PRSS12: variants seen among roughly 807,000 people sequenced by gnomAD.
PRSS12 encodes serine protease 12.
Under a neutral mutation model 104.4 loss-of-function variants are expected in PRSS12, and 85 were observed. The observed-to-expected ratio is 0.81, with a 90% CI of 0.68 to 0.98. The LOEUF is 0.98. PRSS12 is among the 50% of genes least tolerant of loss of function. The pLI, the probability that PRSS12 is intolerant of heterozygous loss-of-function variation, is 0.00. For synonymous variants in PRSS12, 454 were observed against 425.2 expected (o/e 1.07, Z -0.83); for missense variants, 1,141 against 1,139.2 (o/e 1.00, Z -0.02).
chr4:118,316,460 G>T, intron 5 of PRSS12, 137 bp from the exon 6 acceptor site: 1 of 1,051,036 alleles, frequency 9.5e-7, no homozygotes, highest in Non-Finnish European at 1.4e-6. Flanking sequence ...TTACATCTGT[G>T]CTAAATGACC....
At chr4:118,334,836 A>T (rs1724021236) in intron 3 of PRSS12, among the ~76,000 whole-genome samples, 1 of 152,202 alleles carries the variant, frequency 6.6e-6, no homozygotes, top group Non-Finnish European at 1.5e-5. Context: ...GGTTGTGATC[A>T]TTCATTAAAA....
chr4:118,351,518 A>G (rs958727246), intron 1 of PRSS12, among the ~76,000 whole-genome samples: 2 of 152,220 alleles, frequency 1.3e-5, no homozygotes, highest in African/African-American at 4.8e-5. Flanking sequence ...CTGATAAAAC[A>G]TATAAAGCTA....
At chr4:118,318,114 T>C (rs980959248) in intron 5 of PRSS12, among the ~76,000 whole-genome samples, 1 of 152,216 alleles carries the variant, frequency 6.6e-6, no homozygotes, top group Admixed American at 6.5e-5. Context: ...ATTTTGACTA[T>C]TGGGTACTAT....
At chr4:118,346,750 G>A (rs967650706) in intron 1 of PRSS12, among the ~76,000 whole-genome samples, 3 of 152,144 alleles carry the variant, frequency 2.0e-5, no homozygotes, top group African/African-American at 7.2e-5. Flanking sequence ...CCTCCTATCA[G>A]ATCAGCAGCA....
chr4:118,329,677 C>G (rs909057548), intron 4 of PRSS12, among the ~76,000 whole-genome samples: 1 of 152,062 alleles, frequency 6.6e-6, no homozygotes, highest in Non-Finnish European at 1.5e-5. Context: ...ATATAACTAC[C>G]TAATTAGAGT....
rs1578905444 is a variant in PRSS12 at position 118,294,941 on chromosome 4, C to T, written c.2037G>A (p.Lys679=). The T allele has an allele frequency of 1.9e-6, 3 of 1,614,070 alleles. No individual in the cohort carries two copies. Among genetic ancestry groups the T allele is most frequent in the East Asian group, 4.5e-5 (2 of 44,864 alleles). Residue 679 remains lysine (K), a splice_region_variant and synonymous_variant, in exon 11 of 13, where the codon AAG becomes AAA. Transcript: ENST00000296498. ...TGTTTGGGAAGGTGGACACATACCT[C>T]TTGAAACAGTGTGCTGCTGTGAGGA... ...CWVLTAAHCF[K]RYGNSTRSYA...
At chr4:118,323,546 A>T (rs1442905115) in intron 4 of PRSS12, among the ~76,000 whole-genome samples, 1 of 151,854 alleles carries the variant, frequency 6.6e-6, no homozygotes, top group Non-Finnish European at 1.5e-5. Context: ...AGGAAGAAAG[A>T]AAAGAAAACT....
At chr4:118,305,805 C>T (rs752195948) in intron 8 of PRSS12, 1 of 152,102 alleles carries the variant, frequency 6.6e-6, no homozygotes, top group Non-Finnish European at 1.5e-5. Flanking sequence ...AATAATTTCC[C>T]ATTTTCTTCT....
At chr4:118,315,523 A>G (rs1743882756) in intron 6 of PRSS12, among the ~76,000 whole-genome samples, 1 of 152,176 alleles carries the variant, frequency 6.6e-6, no homozygotes. Flanking sequence ...ATGACAGAGA[A>G]ATATGGAAAA....
At chr4:118,346,952 C>G (rs1724370845) in intron 1 of PRSS12, among the ~76,000 whole-genome samples, 1 of 152,042 alleles carries the variant, frequency 6.6e-6, no homozygotes, top group Admixed American at 6.6e-5. Flanking sequence ...TAGGCGCACA[C>G]ATGCGTGTGC....
chr4:118,317,383 T>C (rs969729061), intron 5 of PRSS12, among the ~76,000 whole-genome samples: 9 of 152,116 alleles, frequency 5.9e-5, no homozygotes, highest in Admixed American at 5.9e-4. Context: ...TAAATAATCT[T>C]GGGTAAGGGT....
chr4:118,342,184 A>G (rs576230450), intron 1 of PRSS12, among the ~76,000 whole-genome samples: 17 of 152,352 alleles, frequency 1.1e-4, no homozygotes, highest in African/African-American at 4.1e-4. Flanking sequence ...CAATGGAGAA[A>G]GGAAAATAAC....
chr4:118,342,481 C>T (rs1724240308), intron 1 of PRSS12, among the ~76,000 whole-genome samples: 1 of 152,122 alleles, frequency 6.6e-6, no homozygotes, highest in African/African-American at 2.4e-5. Context: ...CTCTCAAGTG[C>T]CACGTGCACA....
In PRSS12 at chr4:118,280,807, A is replaced by T. The variant is rs1578897675; in HGVS notation, c.*1129T>A. 1 of 152,160 alleles carries T rather than the reference A, an allele frequency of 6.6e-6. No homozygotes were observed. Among genetic ancestry groups the T allele is most frequent in the Non-Finnish European group, 1.5e-5 (1 of 67,994 alleles). The allele number at this position is 152,160 out of a possible 1,614,324, so 9.4% of individuals were successfully genotyped here. On this transcript the variant is annotated 3_prime_UTR_variant, in exon 13 of 13. Coordinates refer to ENST00000296498, the MANE Select transcript of PRSS12 (RefSeq NM_003619.4). The stretch of plus-strand genomic sequence containing the variant: ...GAGAACCATGGGGAAAAAAATCAGC[A>T]TTTTTTCTGGAGTTTGGAATCAGTT...
intron 12 of PRSS12, 133 bp from the exon 13 acceptor site, chr4:118,282,376 T>C: frequency 8.6e-7 from 1 of 1,160,564 alleles, no homozygotes; most frequent in South Asian, 1.3e-5. Context: ...GAGCAATGAC[T>C]AACTGGTATG....
chr4:118,332,454 T>C (rs889662554), intron 3 of PRSS12, among the ~76,000 whole-genome samples: 1 of 152,188 alleles, frequency 6.6e-6, no homozygotes, highest in African/African-American at 2.4e-5. Flanking sequence ...GACCATCAAA[T>C]GTGACTACCG....
chr4:118,319,014 T>A (rs1723534232), intron 4 of PRSS12, among the ~76,000 whole-genome samples: 1 of 152,174 alleles, frequency 6.6e-6, no homozygotes. Context: ...TTTTTCATCA[T>A]CCCCAAATAA....
intron 8 of PRSS12, among the ~76,000 whole-genome samples, chr4:118,299,664 G>A (rs895649721): frequency 1.4e-5 from 2 of 146,016 alleles, no homozygotes; most frequent in Non-Finnish European, 1.5e-5. Context: ...TGGGCAACAA[G>A]AGCAAAACTC....
intron 4 of PRSS12, among the ~76,000 whole-genome samples, chr4:118,322,051 C>A (rs1723641189): frequency 1.3e-5 from 2 of 152,034 alleles, no homozygotes; most frequent in Non-Finnish European, 2.9e-5. Context: ...TATTTGAATG[C>A]ACATAAAGTA....
Sources: allele counts gnomAD v4.1 joint callset (sites outside exome capture counted in the v4.1 genomes callset), GRCh38; gene constraint gnomAD v4.1.1; transcripts MANE v1.5; gene names NCBI Gene and HGNC (gene_info 2026-07-23, HGNC 2026-07-21).